PPP1R12B: variants seen among roughly 807,000 people sequenced by gnomAD.
PPP1R12B encodes myosin phosphatase target subunit 2.
A neutral mutation model predicts 126.1 loss-of-function variants in PPP1R12B; 76 were observed. That is an observed-to-expected ratio of 0.60 (90% CI 0.50 to 0.73). The LOEUF (loss-of-function observed/expected upper bound fraction) is 0.73, where lower values mean the gene tolerates loss of function less well. Ranked by LOEUF, PPP1R12B falls within the 30% of genes least tolerant of loss-of-function variation. PPP1R12B has a pLI of 0.00. For missense variants in PPP1R12B, 1,052 were observed against 1,205.1 expected, an observed-to-expected ratio of 0.87 and a Z score of 1.88; for synonymous variants, 356 against 434.7, an observed-to-expected ratio of 0.82 and a Z score of 2.25.
rs764818243 is a variant in PPP1R12B, at chr1:202,564,499, C to G, written c.2709C>G (p.Ala903=). ...NQKLKTKLQE[A]QLELADIKSK... ...AACTGAAAACAAAACTTCAGGAAGC[C>G]CAGCTAGAGCTAGCAGATATAAAGT... is the stretch of plus-strand genomic sequence containing the variant. Residue 903 remains alanine (A), a synonymous_variant, in exon 21 of 24, where the codon GCC becomes GCG. Coordinates refer to ENST00000608999, the MANE Select transcript of PPP1R12B (RefSeq NM_002481.4). The G allele has an allele frequency of 2.0e-5, 33 of 1,612,620 alleles. No homozygotes were observed. Among genetic ancestry groups the G allele is most frequent in the Non-Finnish European group, 2.6e-5 (31 of 1,179,532 alleles).
chr1:202,569,550 C>A (rs1223800734), intron 23 of PPP1R12B, among the ~76,000 whole-genome samples: 1 of 152,338 alleles, frequency 6.6e-6, no homozygotes, highest in South Asian at 2.1e-4. Flanking sequence ...TTTTCCAGCT[C>A]TGGGAGCCTC....
At chr1:202,401,693 G>A (rs950166455) in intron 1 of PPP1R12B, among the ~76,000 whole-genome samples, 3 of 152,054 alleles carry the variant, frequency 2.0e-5, no homozygotes, top group African/African-American at 7.2e-5. Flanking sequence ...GGTTAAATTT[G>A]GTGTTTTTCT....
intron 18 of PPP1R12B, among the ~76,000 whole-genome samples, chr1:202,537,022 C>T (rs991948372): frequency 1.3e-5 from 2 of 152,168 alleles, no homozygotes; most frequent in Non-Finnish European, 2.9e-5. Flanking sequence ...GAGAAGTACA[C>T]TCTAAAATAA....
intron 22 of PPP1R12B, among the ~76,000 whole-genome samples, chr1:202,568,171 C>T (rs1688237590): frequency 7.2e-6 from 1 of 139,268 alleles, no homozygotes; most frequent in Non-Finnish European, 1.6e-5. Flanking sequence ...TCATTGCATA[C>T]ACACACACAC....
At chr1:202,515,132 G>T (rs1370549109) in intron 18 of PPP1R12B, among the ~76,000 whole-genome samples, 1 of 152,102 alleles carries the variant, frequency 6.6e-6, no homozygotes, top group African/African-American at 2.4e-5. Context: ...ACAGACACTG[G>T]GGTCTACTTG....
intron 20 of PPP1R12B, 61 bp downstream of exon 20, chr1:202,562,983 C>T: frequency 6.8e-7 from 1 of 1,461,440 alleles, no homozygotes; most frequent in Non-Finnish European, 9.1e-7. Context: ...AGCCTTCCTC[C>T]ACCACACCCA....
chr1:202,521,360 G>A (rs1460219279), intron 18 of PPP1R12B, among the ~76,000 whole-genome samples: 2 of 152,098 alleles, frequency 1.3e-5, no homozygotes, highest in African/African-American at 2.4e-5. Context: ...TCATGAAAAA[G>A]CAGTCAAGAG....
chr1:202,404,481 T>A (rs1474539463), intron 1 of PPP1R12B, among the ~76,000 whole-genome samples: 1 of 151,918 alleles, frequency 6.6e-6, no homozygotes, highest in Non-Finnish European at 1.5e-5. Flanking sequence ...GTAAATAATT[T>A]TTTATTTTTA....
intron 14 of PPP1R12B, among the ~76,000 whole-genome samples, chr1:202,491,567 ATGAG>A (rs1310086182): frequency 1.3e-5 from 2 of 152,212 alleles, no homozygotes; most frequent in Non-Finnish European, 2.9e-5. Flanking sequence ...GAATAAAAAA[ATGAG>A]TGGGAAATAA....
chr1:202,575,385 G>A, intron 23 of PPP1R12B: 1 of 464,248 alleles, frequency 2.2e-6, no homozygotes, highest in Non-Finnish European at 3.8e-6. Context: ...CATTTGGTAA[G>A]GTCACCACAT....
chr1:202,365,392 C>G (rs750128597), intron 1 of PPP1R12B, among the ~76,000 whole-genome samples: 2 of 151,762 alleles, frequency 1.3e-5, no homozygotes, highest in Non-Finnish European at 2.9e-5. Flanking sequence ...GATTACACCA[C>G]TGCATTCCAG....
intron 3 of PPP1R12B, among the ~76,000 whole-genome samples, chr1:202,423,117 A>T (rs1053354297): frequency 3.3e-5 from 5 of 152,226 alleles, no homozygotes; most frequent in African/African-American, 1.2e-4. Context: ...CCTTGTTGAG[A>T]GCTAAAAGTG....
intron 6 of PPP1R12B, among the ~76,000 whole-genome samples, chr1:202,429,453 G>T (rs1314838640): frequency 6.6e-6 from 1 of 152,206 alleles, no homozygotes; most frequent in African/African-American, 2.4e-5. Flanking sequence ...GAAACATCTA[G>T]AATTCAGTCC....
chr1:202,568,833 T>A (rs1688317958), intron 22 of PPP1R12B, among the ~76,000 whole-genome samples: 1 of 152,226 alleles, frequency 6.6e-6, no homozygotes, highest in South Asian at 2.1e-4. Context: ...TGCAGACATT[T>A]GAAATTCTAT....
At chr1:202,547,619 T>C (rs1401820807) in intron 18 of PPP1R12B, among the ~76,000 whole-genome samples, 1 of 152,210 alleles carries the variant, frequency 6.6e-6, no homozygotes, top group Non-Finnish European at 1.5e-5. Flanking sequence ...TTAAATAAAA[T>C]TGTAAAATAG....
At chr1:202,441,014 G>A (rs1671537288) in intron 11 of PPP1R12B, among the ~76,000 whole-genome samples, 1 of 152,082 alleles carries the variant, frequency 6.6e-6, no homozygotes, top group South Asian at 2.1e-4. Context: ...TCTTTAGGAA[G>A]TCTTCCCTGA....
intron 1 of PPP1R12B, among the ~76,000 whole-genome samples, chr1:202,395,221 A>T (rs1337572761): frequency 6.6e-6 from 1 of 151,984 alleles, no homozygotes; most frequent in Non-Finnish European, 1.5e-5. Flanking sequence ...CCACAGCATT[A>T]GTTCTGCTAT....
intron 18 of PPP1R12B, among the ~76,000 whole-genome samples, chr1:202,511,757 G>A (rs900569150): frequency 4.8e-5 from 7 of 145,422 alleles, no homozygotes; most frequent in South Asian, 2.2e-4. Flanking sequence ...ATTCCATGAT[G>A]TATATATACC....
intron 10 of PPP1R12B, chr1:202,438,708 A>G (rs1040051713): frequency 8.1e-5 from 52 of 641,650 alleles, no homozygotes; most frequent in Non-Finnish European, 1.4e-4. Context: ...GTCAAGGGCC[A>G]GGTGGTTACC....
Sources: gnomAD v4.1 joint callset for allele counts (sites outside exome capture counted in the v4.1 genomes callset) on GRCh38, gnomAD v4.1.1 for gene constraint, MANE v1.5 for transcripts, NCBI Gene and HGNC (gene_info 2026-07-23, HGNC 2026-07-21) for gene names.